Variants in WNT3A observed in about 807,000 individuals in gnomAD.
WNT3A encodes the protein Wnt family member 3A.
In WNT3A, 17 loss-of-function variants were observed where a neutral mutation model predicts 37.0. The observed-to-expected ratio is 0.46, with a 90% confidence interval of 0.31 to 0.69. The LOEUF (loss-of-function observed/expected upper bound fraction) is 0.69, where lower values mean the gene tolerates loss of function less well. Ranked by LOEUF, WNT3A falls within the 30% of genes least tolerant of loss-of-function variation. The pLI is 0.05. For missense variants in WNT3A, 411 were observed against 510.2 expected (o/e 0.81, Z 1.87); for synonymous variants, 187 against 211.0 (o/e 0.89, Z 0.99).
At position 228,031,012 on chromosome 1, in the gene WNT3A, T is replaced by C. The variant is rs1172455382; in HGVS notation, c.313+8104T>C. 6.6e-6 allele frequency among the ~76,000 whole-genome samples: 1 copy of C among 152,202 alleles called. No homozygotes were observed. Among genetic ancestry groups the C allele is most frequent in the Non-Finnish European group, 1.5e-5 (1 of 68,032 alleles). Reference sequence around the variant, plus strand: ...GAGCTCCTGAGTGTGCAGCTGACACTGCCTCCAGGGCTGGTGGGGCCTGGC... The same window carrying C: ...GAGCTCCTGAGTGTGCAGCTGACACCGCCTCCAGGGCTGGTGGGGCCTGGC... On this transcript the variant is annotated intron_variant, in intron 2 of 3. Transcript: ENST00000284523. The surrounding 1 kb of genome is among the most constrained non-coding windows in gnomAD (Gnocchi z 4.8).
chr1:228,051,974 A>G (rs996362401), intron 3 of WNT3A, among the ~76,000 whole-genome samples: 6 of 152,176 alleles, frequency 3.9e-5, no homozygotes, highest in African/African-American at 1.4e-4. Flanking sequence ...CCCATAACCC[A>G]AACACCTCCT....
intron 1 of WNT3A, among the ~76,000 whole-genome samples, chr1:228,014,632 G>A (rs1029296453): frequency 6.6e-6 from 1 of 152,232 alleles, no homozygotes; most frequent in Non-Finnish European, 1.5e-5. Context: ...CCATCCACAG[G>A]GATTAGGTAG....
At chr1:228,027,550 G>GT (rs1246403051) in intron 2 of WNT3A, among the ~76,000 whole-genome samples, 2 of 152,058 alleles carry the variant, frequency 1.3e-5, no homozygotes, top group Non-Finnish European at 2.9e-5. Context: ...TTTTACCTAT[G>GT]TTTTTTGGCC....
Position 228,022,791 on chromosome 1 carries a change from G to T in WNT3A, c.196G>T (p.Val66Leu), listed in dbSNP as rs774063132. ...CRNYVEIMPS[V>L]AEGIKIGIQE... ...GAACTACGTGGAGATCATGCCCAGCGTGGCCGAGGGCATCAAGATTGGCAT... is the reference window on the plus strand; with the variant it reads ...GAACTACGTGGAGATCATGCCCAGCTTGGCCGAGGGCATCAAGATTGGCAT... Residue 66 changes from valine (V) to leucine (L), a missense_variant, in exon 2 of 4, where the codon GTG (valine) becomes TTG (leucine). Physicochemically the swap from Val to Leu is conservative, Grantham distance 32. Transcript: ENST00000284523. 1 of 1,614,158 alleles carries T rather than the reference G, an allele frequency of 6.2e-7. No individual in the cohort carries two copies. The highest frequency in any genetic ancestry group is 1.7e-5 in the Admixed American group (1 of 60,028).
chr1:228,060,386 C>A lies in WNT3A; in HGVS notation c.*921C>A. ...CTGGCTTTGGAATGCTCCAGGCGCG[C>A]CGACGCCTGTGCCACCCCTTCCTCA... On this transcript the variant is annotated 3_prime_UTR_variant, in exon 4 of 4. Transcript: ENST00000284523. 1 of 1,086,642 alleles carries A rather than the reference C, an allele frequency of 9.2e-7. No individual in the cohort carries two copies. The allele number at this position is 1,086,642 out of a possible 1,614,324, so 67.3% of individuals were successfully genotyped here.
At chr1:228,057,634 A>G (rs1159841700) in intron 3 of WNT3A, among the ~76,000 whole-genome samples, 1 of 152,190 alleles carries the variant, frequency 6.6e-6, no homozygotes, top group East Asian at 1.9e-4. Context: ...AAAGAGCCAG[A>G]AGGGGACGAG....
chr1:228,049,356 T>C (rs1359159039), intron 2 of WNT3A, among the ~76,000 whole-genome samples: 1 of 152,234 alleles, frequency 6.6e-6, no homozygotes, highest in Non-Finnish European at 1.5e-5. Flanking sequence ...TGTATGATTA[T>C]TTTGAGATCC....
At chr1:228,055,926 T>A (rs970377989) in intron 3 of WNT3A, among the ~76,000 whole-genome samples, 1 of 152,154 alleles carries the variant, frequency 6.6e-6, no homozygotes, top group African/African-American at 2.4e-5. Context: ...CATCTCAGAG[T>A]GAACCTTCCA....
chr1:228,041,052 CT>C (rs1484880327), intron 2 of WNT3A, among the ~76,000 whole-genome samples: 1 of 138,126 alleles, frequency 7.2e-6, no homozygotes, highest in South Asian at 2.3e-4. Flanking sequence ...TATCTATCAT[CT>C]ATCTATCATC....
chr1:228,043,309 C>T (rs1197586080), intron 2 of WNT3A, among the ~76,000 whole-genome samples: 2 of 152,200 alleles, frequency 1.3e-5, no homozygotes, highest in Non-Finnish European at 2.9e-5. Flanking sequence ...CTGAATGGGG[C>T]AGGCCTTAGG....
At position 228,043,013 on chromosome 1, in the gene WNT3A, A is replaced by AGATG. The variant is rs537700236; in HGVS notation, c.314-7618_314-7615dup. Among the ~76,000 whole-genome samples the AGATG allele has an allele frequency of 9.9e-3, 1,484 of 149,730 alleles. 7 individuals are homozygous for AGATG. Among genetic ancestry groups the AGATG allele is most frequent in the Non-Finnish European group, 0.016 (1,107 of 67,286 alleles). ...AGAGGATGTATGATAGGTAATGGATAGATGGATGGATGGATGGATGGATGG... is the reference window on the plus strand; with the variant it reads ...AGAGGATGTATGATAGGTAATGGATAGATGGATGGATGGATGGATGGATGGATGG... On this transcript the variant is annotated intron_variant, in intron 2 of 3. Coordinates refer to ENST00000284523, the MANE Select transcript of WNT3A (RefSeq NM_033131.4).
At chr1:228,046,967 T>C (rs1174298662) in intron 2 of WNT3A, among the ~76,000 whole-genome samples, 2 of 152,134 alleles carry the variant, frequency 1.3e-5, no homozygotes, top group African/African-American at 4.8e-5. Flanking sequence ...GGCTGGGGCC[T>C]CCTAGGGGCC....
intron 2 of WNT3A, among the ~76,000 whole-genome samples, chr1:228,025,300 G>A (rs1019031566): frequency 6.6e-6 from 1 of 152,106 alleles, no homozygotes; most frequent in African/African-American, 2.4e-5. Context: ...TAATTCAGGA[G>A]CTCAGGGTCT....
rs2031303462 is a variant in WNT3A, at chr1:228,042,295, C to A, written c.314-8361C>A. Among the ~76,000 whole-genome samples, 1 of 152,044 alleles carries A rather than the reference C, an allele frequency of 6.6e-6. No individual in the cohort carries two copies. ...CCCAGCCTCTGGAGGATTTTTTTTA[C>A]TGTGGTTATTGAGAGTGGGCACCTT... On this transcript the variant is annotated intron_variant, in intron 2 of 3. Coordinates refer to ENST00000284523, the MANE Select transcript of WNT3A (RefSeq NM_033131.4). The surrounding 1 kb of genome is among the most constrained non-coding windows in gnomAD (Gnocchi z 5.2).
Position 228,031,511 on chromosome 1 carries a change from GTGTA to G in WNT3A, c.313+8607_313+8610del, listed in dbSNP as rs1466534387. On this transcript the variant is annotated intron_variant, in intron 2 of 3. Coordinates refer to ENST00000284523, the MANE Select transcript of WNT3A (RefSeq NM_033131.4). This position sits in a 1 kb window ranked among gnomAD's most constrained non-coding sequence, Gnocchi z 4.8. ...GTGTGTGTGGCGTGTGATGCATTGT[GTGTA>G]TGTGAGTGTGCACGTGTGTGGGAAT... 6.6e-6 allele frequency among the ~76,000 whole-genome samples: 1 copy of G among 152,126 alleles called. No individual in the cohort carries two copies. Among genetic ancestry groups the G allele is most frequent in the East Asian group, 1.9e-4 (1 of 5,186 alleles).
At position 228,041,750 on chromosome 1, in the gene WNT3A, G is replaced by A. The variant is rs561946401; in HGVS notation, c.314-8906G>A. 3.9e-5 allele frequency among the ~76,000 whole-genome samples: 6 copies of A among 152,122 alleles called. No individual in the cohort carries two copies. The South Asian group carries it at 6.2e-4, about 16-fold the overall frequency. On this transcript the variant is annotated intron_variant, in intron 2 of 3. Coordinates refer to ENST00000284523, the MANE Select transcript of WNT3A (RefSeq NM_033131.4). ...AACTGTAAGCTCCCAAAAGCACATG[G>A]TTTAGCACAGTCCCAGGCAAAAAAC...
chr1:228,023,355 A>G (rs2030773797), intron 2 of WNT3A, among the ~76,000 whole-genome samples: 1 of 152,102 alleles, frequency 6.6e-6, no homozygotes, highest in South Asian at 2.1e-4. Flanking sequence ...AGACAGAGAC[A>G]CAGACACAGA....
chr1:228,015,169 T>C (rs1023515346), intron 1 of WNT3A, among the ~76,000 whole-genome samples: 5 of 152,210 alleles, frequency 3.3e-5, no homozygotes, highest in African/African-American at 9.6e-5. Context: ...ATCATCTCCA[T>C]TTCTGGGGCC....
At position 228,059,068 on chromosome 1, in the gene WNT3A, A is replaced by G; in HGVS notation, c.662A>G (p.Gln221Arg). Reference sequence around the variant, plus strand: ...GAGGTGAAGACATGCTGGTGGTCGCAACCCGACTTCCGCGCCATCGGTGAC... The same window carrying G: ...GAGGTGAAGACATGCTGGTGGTCGCGACCCGACTTCCGCGCCATCGGTGAC... ...SCEVKTCWWS[Q>R]PDFRAIGDFL... Residue 221 changes from glutamine (Q) to arginine (R), a missense_variant, in exon 4 of 4, where the codon CAA becomes CGA. Gln to Arg is a conservative substitution (Grantham distance 43). Coordinates refer to ENST00000284523, the MANE Select transcript of WNT3A (RefSeq NM_033131.4). The G allele has an allele frequency of 6.2e-7, 1 of 1,613,622 alleles. No homozygotes were observed. The highest frequency in any genetic ancestry group is 8.5e-7 in the Non-Finnish European group (1 of 1,179,956).
Sources: allele counts gnomAD v4.1 joint callset (sites outside exome capture counted in the v4.1 genomes callset), GRCh38; gene constraint gnomAD v4.1.1; non-coding constraint Gnocchi (gnomAD v3.1); transcripts MANE v1.5; gene names NCBI Gene and HGNC (gene_info 2026-07-23, HGNC 2026-07-21).